BIRC6: variants seen among roughly 807,000 people sequenced by gnomAD.
BIRC6 encodes baculoviral IAP repeat containing 6.
In BIRC6, 98 loss-of-function variants were observed where a neutral mutation model predicts 503.3. The ratio of observed to expected loss-of-function variants is 0.19; its 90% CI spans 0.17 to 0.23. BIRC6 has a LOEUF of 0.23. Ranked by LOEUF, BIRC6 falls within the 10% of genes least tolerant of loss-of-function variation. The pLI, the probability that BIRC6 is intolerant of heterozygous loss-of-function variation, is 1.00. For synonymous variants in BIRC6, 2,240 were observed against 2,078.7 expected (o/e 1.08, Z -2.11); for missense variants, 5,360 against 5,806.0 (o/e 0.92, Z 2.50).
At chr2:32,472,981 A>T (rs116418060) in intron 32 of BIRC6, 131 bp from the exon 33 acceptor site, 7,611 of 704,540 alleles carry the variant, frequency 0.011, 63 homozygotes, top group Middle Eastern at 0.017. Context: ...TTTCTTTACA[A>T]TGTTTTTCTT....
chr2:32,360,289 A>G (rs886108694), intron 1 of BIRC6, among the ~76,000 whole-genome samples: 1 of 152,212 alleles, frequency 6.6e-6, no homozygotes, highest in Admixed American at 6.5e-5. Context: ...AAAGACAGTG[A>G]ATTTTTAACT....
Position 32,538,929 on chromosome 2 carries a change from A to G in BIRC6, c.12292-4312A>G, listed in dbSNP as rs183141032. Among the ~76,000 whole-genome samples the G allele has an allele frequency of 5.0e-3, 754 of 149,606 alleles. 8 individuals carry two copies. The highest frequency in any genetic ancestry group is 4.0e-3 in the Non-Finnish European group (275 of 68,010). ...TCTCTATGATTGAACAAATGAATGA[A>G]TGAATGAATGAATGAATGAAAGTGT... On this transcript the variant is annotated intron_variant, in intron 61 of 73. Transcript: ENST00000421745.
intron 1 of BIRC6, among the ~76,000 whole-genome samples, chr2:32,368,301 G>A (rs1158316804): frequency 6.6e-6 from 1 of 152,090 alleles, no homozygotes; most frequent in African/African-American, 2.4e-5. Context: ...AGCACTTTGG[G>A]AGGCCGAGGT....
intron 1 of BIRC6, 130 bp from the exon 2 acceptor site, chr2:32,377,458 T>A (rs139377707): frequency 1.7e-6 from 1 of 599,918 alleles, no homozygotes. Context: ...TAATGTTCTT[T>A]AGAGAAGTTT....
chr2:32,385,909 T>C (rs1339944607), intron 3 of BIRC6, among the ~76,000 whole-genome samples: 2 of 152,186 alleles, frequency 1.3e-5, no homozygotes, highest in African/African-American at 2.4e-5. Context: ...TGTCTTTCAG[T>C]CTGGAGGGAA....
chr2:32,583,290 T>C (rs527301535), intron 66 of BIRC6, among the ~76,000 whole-genome samples: 1 of 152,326 alleles, frequency 6.6e-6, no homozygotes, highest in African/African-American at 2.4e-5. Context: ...TTTTAAGAGC[T>C]TCATAAAGAT....
At chr2:32,433,073 CAG>C (rs570342566) in intron 12 of BIRC6, among the ~76,000 whole-genome samples, 96 of 152,222 alleles carry the variant, frequency 6.3e-4, no homozygotes, top group African/African-American at 1.6e-3. Context: ...TATTGTGTGA[CAG>C]GGGAGAATAA....
At chr2:32,374,718 T>A (rs969392034) in intron 1 of BIRC6, among the ~76,000 whole-genome samples, 1 of 151,990 alleles carries the variant, frequency 6.6e-6, no homozygotes, top group Non-Finnish European at 1.5e-5. Flanking sequence ...GTGATCCACC[T>A]GCCTCGGCCT....
At chr2:32,358,478 T>TG (rs2033539134) in intron 1 of BIRC6, among the ~76,000 whole-genome samples, 2 of 152,136 alleles carry the variant, frequency 1.3e-5, no homozygotes, top group Non-Finnish European at 2.9e-5. Context: ...GGTTAAATGA[T>TG]GGGTGGCTTA....
chr2:32,519,754 G>A (rs1171404577), intron 57 of BIRC6, among the ~76,000 whole-genome samples: 2 of 152,148 alleles, frequency 1.3e-5, no homozygotes, highest in African/African-American at 4.8e-5. Flanking sequence ...CTGACCTCAA[G>A]TGATCCGCCC....
intron 70 of BIRC6, among the ~76,000 whole-genome samples, chr2:32,601,521 C>T (rs1422499334): frequency 2.6e-5 from 4 of 152,080 alleles, no homozygotes; most frequent in African/African-American, 9.7e-5. Context: ...GCGGAGGTTG[C>T]GGTGAGCCCA....
chr2:32,431,000 A>G lies in BIRC6; in HGVS notation c.3158A>G (p.Gln1053Arg). 6.2e-7 allele frequency: 1 copy of G among 1,613,440 alleles called. No individual in the cohort carries two copies. The highest frequency in any genetic ancestry group is 8.5e-7 in the Non-Finnish European group (1 of 1,179,764). The change falls in exon 12 of 74, where the codon CAG (glutamine) becomes CGG (arginine). Residue 1053 changes from glutamine to arginine, a missense_variant. Coordinates refer to ENST00000421745, the MANE Select transcript of BIRC6 (RefSeq NM_016252.4). Reference sequence around the variant, plus strand: ...TGCTGGGTAGAAGTTCAACAAGAACAGCAGCAAAGGAGGCATCCTCAACAT... The same window carrying G: ...TGCTGGGTAGAAGTTCAACAAGAACGGCAGCAAAGGAGGCATCCTCAACAT... ...PPCWVEVQQEQQQRRHPQHLH... is the reference protein window; with the variant it reads ...PPCWVEVQQERQQRRHPQHLH...
chr2:32,518,303 C>T lies in BIRC6; in HGVS notation c.11399C>T (p.Thr3800Ile), dbSNP rs199897571. 6.2e-7 allele frequency: 1 copy of T among 1,612,916 alleles called. No homozygotes were observed. Among genetic ancestry groups the T allele is most frequent in the African/African-American group, 1.3e-5 (1 of 74,994 alleles). ...QTSPQRGNLP[T>I]SGNISGFIRR... ...TCTCCTCAAAGAGGGAACCTTCCAA[C>T]ATCTGGGAACATTTCAGGGTTTATA... is the stretch of plus-strand genomic sequence containing the variant. Residue 3800 changes from threonine (T) to isoleucine (I), a missense_variant, in exon 56 of 74, where the codon ACA becomes ATA. By Grantham distance (89) the Thr-to-Ile change is moderately conservative. Coordinates refer to ENST00000421745, the MANE Select transcript of BIRC6 (RefSeq NM_016252.4).
At chr2:32,519,456 A>G (rs989958404) in intron 57 of BIRC6, among the ~76,000 whole-genome samples, 3 of 152,154 alleles carry the variant, frequency 2.0e-5, no homozygotes, top group Admixed American at 6.5e-5. Flanking sequence ...TAAACAACAT[A>G]TGGGATAGTT....
chr2:32,515,009 A>G lies in BIRC6; in HGVS notation c.10588A>G (p.Met3530Val), dbSNP rs753105867. Reference protein sequence around the residue: ...ELFELLFNWSMSLPCNMVLKK... With the variant: ...ELFELLFNWSVSLPCNMVLKK... The stretch of plus-strand genomic sequence containing the variant: ...TTTTAGGTTACTTTTTAATTGGTCC[A>G]TGTCTCTTCCCTGCAATATGGTTTT... The change falls in exon 55 of 74, where the codon ATG becomes GTG. Residue 3530 changes from methionine (M) to valine (V), a missense_variant. Coordinates refer to ENST00000421745, the MANE Select transcript of BIRC6 (RefSeq NM_016252.4). 1 of 1,613,474 alleles carries G rather than the reference A, an allele frequency of 6.2e-7. No homozygotes were observed. Among genetic ancestry groups the G allele is most frequent in the Admixed American group, 1.7e-5 (1 of 59,984 alleles).
At chr2:32,530,100 T>C (rs1047740699) in intron 60 of BIRC6, among the ~76,000 whole-genome samples, 2 of 152,220 alleles carry the variant, frequency 1.3e-5, no homozygotes, top group Non-Finnish European at 2.9e-5. Context: ...ATAATAAAAG[T>C]GAGAAACTCA....
intron 15 of BIRC6, among the ~76,000 whole-genome samples, chr2:32,437,179 C>A (rs141842448): frequency 6.6e-6 from 1 of 152,066 alleles, no homozygotes; most frequent in Non-Finnish European, 1.5e-5. Context: ...CGTAAGCCAC[C>A]GCTCCAGGCC....
Position 32,503,148 on chromosome 2 carries a change from A to G in BIRC6, c.9411A>G (p.Pro3137=), listed in dbSNP as rs1370331754. 6.2e-7 allele frequency: 1 copy of G among 1,612,762 alleles called. No individual in the cohort carries two copies. Among genetic ancestry groups the G allele is most frequent in the Non-Finnish European group, 8.5e-7 (1 of 1,179,340 alleles). ...STIMKFLDSG[P]NKAVDSTLKT... Reference sequence around the variant, plus strand: ...TTATGAAATTTCTTGACTCTGGTCCAAATAAAGCTGTTGACAGCACATTGA... The same window carrying G: ...TTATGAAATTTCTTGACTCTGGTCCGAATAAAGCTGTTGACAGCACATTGA... Residue 3137 remains proline (P), a synonymous_variant, in exon 49 of 74, where the codon CCA becomes CCG. Coordinates refer to ENST00000421745, the MANE Select transcript of BIRC6 (RefSeq NM_016252.4).
chr2:32,589,804 C>T (rs751811453), intron 66 of BIRC6, among the ~76,000 whole-genome samples: 5 of 152,042 alleles, frequency 3.3e-5, no homozygotes, highest in Admixed American at 2.6e-4. Flanking sequence ...CAGTACCTTC[C>T]GTATGTCTGG....
Sources: allele counts gnomAD v4.1 joint callset (sites outside exome capture counted in the v4.1 genomes callset), GRCh38; gene constraint gnomAD v4.1.1; transcripts MANE v1.5; gene names NCBI Gene and HGNC (gene_info 2026-07-23, HGNC 2026-07-21).